The following GLB1 variants were observed in gnomAD, a reference collection of about 807,000 sequenced individuals.
GLB1 encodes galactosidase beta 1, also known as beta-galactosidase.
GLB1 carries 56 observed loss-of-function variants against 74.0 expected under a neutral mutation model. That is an observed-to-expected ratio of 0.76 (90% CI 0.61 to 0.94). The LOEUF (loss-of-function observed/expected upper bound fraction) is 0.94. Ranked by LOEUF, GLB1 falls within the 40% of genes least tolerant of loss-of-function variation. GLB1 has a pLI of 0.00. For missense variants in GLB1, 787 were observed against 845.5 expected (o/e 0.93, Z 0.86); for synonymous variants, 323 against 323.6 (o/e 1.00, Z 0.02).
In GLB1 at chr3:33,034,765, C is replaced by T. The variant is rs1156413247; in HGVS notation, c.1069-10440G>A. 6 of 657,472 alleles carry T rather than the reference C, an allele frequency of 9.1e-6. No individual in the cohort carries two copies. The Admixed American group carries it at 1.1e-4, about 12-fold the overall frequency. The allele number at this position is 657,472 out of a possible 1,614,324, so 40.7% of individuals were successfully genotyped here. On this transcript the variant is annotated intron_variant, in intron 10 of 15. Transcript: ENST00000307363. Reference sequence around the variant, plus strand: ...TCAGTGATGTCAACAAGGGCCAGGGCTCTGTGTCAGCTTCAGTCATAGAGG... The same window carrying T: ...TCAGTGATGTCAACAAGGGCCAGGGTTCTGTGTCAGCTTCAGTCATAGAGG...
At chr3:32,965,200 G>A in the GLB1 span, among the ~76,000 whole-genome samples, 1 of 152,200 alleles carries the variant, frequency 6.6e-6, no homozygotes, top group African/African-American at 2.4e-5. Context: ...TTGGAACTGG[G>A]TAACAGGCAG....
At chr3:33,077,476 AG>A (rs1325553045) in intron 1 of GLB1, 7 of 724,444 alleles carry the variant, frequency 9.7e-6, no homozygotes, top group Non-Finnish European at 1.6e-5. Context: ...AACAGCAGTC[AG>A]GGGGTGTCTA....
At position 33,090,458 on chromosome 3, in the gene GLB1, T is replaced by A. The variant is rs1310506871; in HGVS notation, c.75+6553A>T. Reference sequence around the variant, plus strand: ...TGGCAGCAGGATCAATTTATTGAGATTTTGTGACAGCATCATATACTACAG... The same window carrying A: ...TGGCAGCAGGATCAATTTATTGAGAATTTGTGACAGCATCATATACTACAG... On this transcript the variant is annotated intron_variant, in intron 1 of 15. Coordinates refer to ENST00000307363, the MANE Select transcript of GLB1 (RefSeq NM_000404.4). 5.1e-6 allele frequency: 5 copies of A among 985,294 alleles called. No individual in the cohort carries two copies. The African/African-American group carries it at 8.7e-5, about 17-fold the overall frequency. 61.0% of individuals were successfully genotyped at this position (985,294 alleles called of 1,614,324 possible).
At position 33,059,244 on chromosome 3, in the gene GLB1, TACACACACACACACACACACAC is replaced by T. The variant is rs55785242; in HGVS notation, c.553-997_553-976del. ...AATTATTCCTTATTTATATAAAACA[TACACACACACACACACACACAC>T]ACACACACACACACACACACACACA... On this transcript the variant is annotated intron_variant, in intron 5 of 15. Coordinates refer to ENST00000307363, the MANE Select transcript of GLB1 (RefSeq NM_000404.4). Among the ~76,000 whole-genome samples the T allele has an allele frequency of 4.7e-4, 68 of 144,354 alleles. 1 individual carries two copies. Among genetic ancestry groups the T allele is most frequent in the Admixed American group, 3.7e-3 (54 of 14,580 alleles). The allele number at this position is 144,354 out of a possible 152,430, so 94.7% of individuals were successfully genotyped here.
chr3:32,980,125 T>C, the GLB1 span, among the ~76,000 whole-genome samples: 1 of 152,230 alleles, frequency 6.6e-6, no homozygotes, highest in East Asian at 1.9e-4. Context: ...TTGTTAACTA[T>C]AGTCAACCTA....
the GLB1 span, among the ~76,000 whole-genome samples, chr3:32,981,772 CAAA>C: frequency 7.2e-6 from 1 of 138,204 alleles, no homozygotes; most frequent in Non-Finnish European, 1.6e-5. Context: ...GACTCCATCT[CAAA>C]AAAAAAAAAG....
chr3:32,980,794 C>CAAAA, the GLB1 span, among the ~76,000 whole-genome samples: 655 of 150,580 alleles, frequency 4.3e-3, 5 homozygotes, highest in African/African-American at 0.014. Context: ...AACAAACAAA[C>CAAAA]AAAAAAACCA....
At chr3:33,012,196 G>C (rs1161343840) in intron 15 of GLB1, among the ~76,000 whole-genome samples, 2 of 151,880 alleles carry the variant, frequency 1.3e-5, no homozygotes, top group East Asian at 3.9e-4. Context: ...TACATTCCTG[G>C]CCCAGATCCC....
chr3:33,038,854 C>T (rs1391652056), intron 10 of GLB1, among the ~76,000 whole-genome samples: 1 of 152,086 alleles, frequency 6.6e-6, no homozygotes, highest in Non-Finnish European at 1.5e-5. Flanking sequence ...ACTCTAACTG[C>T]CTGGTAGAAG....
intron 15 of GLB1, among the ~76,000 whole-genome samples, chr3:32,999,776 G>C (rs1302555786): frequency 1.3e-5 from 2 of 152,132 alleles, no homozygotes; most frequent in Admixed American, 6.5e-5. Context: ...TCCGCCTTCT[G>C]AGTAGCTGGG....
intron 10 of GLB1, among the ~76,000 whole-genome samples, chr3:33,032,427 C>A (rs1175849352): frequency 6.6e-6 from 1 of 152,136 alleles, no homozygotes; most frequent in Non-Finnish European, 1.5e-5. Context: ...GCCTCCTCTG[C>A]AATCCTCTAT....
chr3:33,021,829 C>G (rs1697498990), intron 11 of GLB1, among the ~76,000 whole-genome samples, 174 bp from the exon 12 acceptor site: 1 of 152,204 alleles, frequency 6.6e-6, no homozygotes, highest in South Asian at 2.1e-4. Flanking sequence ...TCCTCTCCAT[C>G]TACTCCCTAA....
At chr3:33,073,222 T>C (rs1474435989) in intron 1 of GLB1, among the ~76,000 whole-genome samples, 5 of 152,128 alleles carry the variant, frequency 3.3e-5, no homozygotes, top group East Asian at 1.9e-4. Flanking sequence ...CTGAATCCCA[T>C]AGTGACCTGG....
intron 5 of GLB1, among the ~76,000 whole-genome samples, chr3:33,062,208 G>A (rs988450518): frequency 6.6e-6 from 1 of 151,948 alleles, no homozygotes; most frequent in African/African-American, 2.4e-5. Context: ...TTTTTGCCCA[G>A]GCTGGAGTGC....
chr3:33,028,420 CTTTA>C (rs1198983680), intron 10 of GLB1, among the ~76,000 whole-genome samples: 5 of 152,048 alleles, frequency 3.3e-5, no homozygotes, highest in South Asian at 2.1e-4. Flanking sequence ...ATCCTTATAT[CTTTA>C]TTTATTAGTT....
intron 10 of GLB1, among the ~76,000 whole-genome samples, chr3:33,024,881 G>A (rs560418005): frequency 2.0e-5 from 3 of 152,176 alleles, no homozygotes; most frequent in African/African-American, 4.8e-5. Flanking sequence ...GTCTATGCAC[G>A]AGTGATGAAG....
At chr3:33,094,045 A>G in intron 1 of GLB1, 1 of 1,614,220 alleles carries the variant, frequency 6.2e-7, no homozygotes, top group Non-Finnish European at 8.5e-7. Flanking sequence ...GAGTTGACAA[A>G]CAGGGCAAGC....
chr3:33,034,020 T>C (rs1698168260), intron 10 of GLB1: 1 of 545,732 alleles, frequency 1.8e-6, no homozygotes, highest in African/African-American at 1.9e-5. Flanking sequence ...ATTGCCAACC[T>C]CAGAAGTCAT....
the GLB1 span, among the ~76,000 whole-genome samples, chr3:32,971,881 C>A: frequency 6.6e-6 from 1 of 152,116 alleles, no homozygotes; most frequent in African/African-American, 2.4e-5. Flanking sequence ...ACGGGCATAT[C>A]GGCAACTGCT....
Sources: gnomAD v4.1 joint callset for allele counts (sites outside exome capture counted in the v4.1 genomes callset) on GRCh38, gnomAD v4.1.1 for gene constraint, MANE v1.5 for transcripts, NCBI Gene and HGNC (gene_info 2026-07-23, HGNC 2026-07-21) for gene names.